Variants in EP400 observed in about 807,000 individuals in gnomAD.
EP400 encodes the protein E1A-binding protein p400.
A neutral mutation model predicts 354.1 loss-of-function variants in EP400; 105 were observed. The ratio of observed to expected loss-of-function variants is 0.30; its 90% confidence interval spans 0.25 to 0.35. EP400 has a LOEUF of 0.35. EP400 is among the 10% of genes least tolerant of loss of function. EP400 has a pLI of 1.00. For missense variants in EP400, 3,280 were observed against 4,121.0 expected (o/e 0.80, Z 5.59); for synonymous variants, 1,646 against 1,716.9 (o/e 0.96, Z 1.02).
intron 2 of EP400, among the ~76,000 whole-genome samples, chr12:131,965,784 T>C (rs1892054229): frequency 6.6e-6 from 1 of 152,264 alleles, no homozygotes; most frequent in Admixed American, 6.5e-5. Context: ...CTTTGTTTTA[T>C]TTACCATTAA....
At chr12:132,003,932 T>C (rs1160521084) in intron 12 of EP400, among the ~76,000 whole-genome samples, 2 of 152,264 alleles carry the variant, frequency 1.3e-5, no homozygotes, top group African/African-American at 4.8e-5. Flanking sequence ...ATTTGTTGTT[T>C]TGGCTCAACA....
rs1180167305 is a variant in EP400 at position 132,054,192 on chromosome 12, G to A, written c.7728+595G>A. ...AAATCATATGCGCAGAATCACACCT[G>A]CAGAGAATAGGAGCTGTGCCAAATT... On this transcript the variant is annotated intron_variant, in intron 43 of 52. Coordinates refer to ENST00000389561, the MANE Select transcript of EP400 (RefSeq NM_015409.5). The surrounding 1 kb of genome is among the most constrained non-coding windows in gnomAD (Gnocchi z 4.0). Among the ~76,000 whole-genome samples, 1 of 152,234 alleles carries A rather than the reference G, an allele frequency of 6.6e-6. No individual in the cohort carries two copies.
intron 2 of EP400, among the ~76,000 whole-genome samples, chr12:131,975,213 G>A (rs1892430589): frequency 6.6e-6 from 1 of 152,094 alleles, no homozygotes; most frequent in South Asian, 2.1e-4. Context: ...CAGTCAACAG[G>A]GCGCACAGTC....
intron 48 of EP400, chr12:132,065,815 G>A (rs1317022630): frequency 1.3e-5 from 2 of 152,274 alleles, no homozygotes; most frequent in African/African-American, 2.4e-5. Context: ...CACTGAGAAG[G>A]GTGGTAACAC....
At chr12:132,021,604 G>GCCGT (rs1047498869) in intron 23 of EP400, among the ~76,000 whole-genome samples, 1 of 152,190 alleles carries the variant, frequency 6.6e-6, no homozygotes, top group African/African-American at 2.4e-5. Flanking sequence ...TGGTGCTGTG[G>GCCGT]ACGGCACTTC....
intron 11 of EP400, among the ~76,000 whole-genome samples, chr12:131,993,963 C>T (rs373325932): frequency 2.0e-5 from 3 of 152,302 alleles, no homozygotes; most frequent in African/African-American, 7.2e-5. Context: ...ATTAACCACC[C>T]GAGGTCGTCT....
chr12:132,077,271 C>A, intron 52 of EP400, 130 bp from the exon 53 acceptor site: 2 of 1,176,268 alleles, frequency 1.7e-6, no homozygotes, highest in Admixed American at 2.5e-5. Flanking sequence ...TGTGACTGGT[C>A]ATTCTTCCGT....
At chr12:132,072,062 T>G (rs1017028730) in intron 51 of EP400, among the ~76,000 whole-genome samples, 1 of 152,216 alleles carries the variant, frequency 6.6e-6, no homozygotes, top group African/African-American at 2.4e-5. Flanking sequence ...GTTCAATTAC[T>G]GCTCTTGTGT....
Position 132,043,768 on chromosome 12 carries a change from A to G in EP400, c.6450+40A>G, listed in dbSNP as rs148913155. 3.2e-4 allele frequency: 497 copies of G among 1,536,990 alleles called. 1 individual carries two copies. The East Asian group carries it at 0.01, about 31-fold the overall frequency. On this transcript the variant is annotated intron_variant, in intron 34 of 52. Transcript: ENST00000389561. ...TTTTGGTCAGTGAAAAAAATTTGCA[A>G]TATTTTCAGAGTTAAGTTTGATTTG...
At chr12:131,968,191 A>G (rs1892167475) in intron 2 of EP400, among the ~76,000 whole-genome samples, 3 of 152,152 alleles carry the variant, frequency 2.0e-5, no homozygotes, top group Non-Finnish European at 4.4e-5. Context: ...GGTCAGAAAG[A>G]TGTTCTTCTG....
At chr12:132,076,089 GT>G (rs1896228329) in intron 51 of EP400, 1 of 223,960 alleles carries the variant, frequency 4.5e-6, no homozygotes, top group Non-Finnish European at 9.2e-6. Context: ...GCGTCACCGG[GT>G]TCCCCACTTC....
Position 132,018,214 on chromosome 12 carries a change from C to G in EP400, c.4115C>G (p.Ala1372Gly). ...TTTTTTTCTTTTTCTCTCTAGGAAG[C>G]AGATCTTTCTATGTTTGATCTCATC... The part of the protein sequence containing the change: ...KALERDFWKE[A>G]DLSMFDLIGL... The change falls in exon 21 of 53, where the codon GCA becomes GGA. Residue 1372 changes from alanine (A) to glycine (G), a missense_variant. By Grantham distance (60) the Ala-to-Gly change is moderately conservative. Around this residue, in one of 20 missense-constraint regions of EP400, gnomAD observed 342 missense variants for 342.7 expected, o/e 1.00. Coordinates refer to ENST00000389561, the MANE Select transcript of EP400 (RefSeq NM_015409.5). This position sits in a 1 kb window ranked among gnomAD's most constrained non-coding sequence, Gnocchi z 4.0. 6.2e-7 allele frequency: 1 copy of G among 1,609,844 alleles called. No homozygotes were observed. The highest frequency in any genetic ancestry group is 8.5e-7 in the Non-Finnish European group (1 of 1,179,036).
Position 132,043,465 on chromosome 12 carries a change from T to C in EP400, c.6366+3T>C. On this transcript the variant is annotated splice_donor_region_variant and intron_variant, in intron 33 of 52. Transcript: ENST00000389561. ...AGCTAGCTGACTTCATGGAGCAGGT[T>C]TGGGCATGTTTTCCTTTACAACTAC... The C allele has an allele frequency of 6.2e-7, 1 of 1,611,314 alleles. No individual in the cohort carries two copies.
At chr12:132,076,418 G>A (rs1279348658) in intron 51 of EP400, 98 bp from the exon 52 acceptor site, 3 of 1,223,434 alleles carry the variant, frequency 2.5e-6, no homozygotes, top group Non-Finnish European at 3.5e-6. Flanking sequence ...TGGTCATTGT[G>A]TTTTTTGCAT....
chr12:131,992,529 G>C (rs1893075054), intron 11 of EP400, among the ~76,000 whole-genome samples: 1 of 152,224 alleles, frequency 6.6e-6, no homozygotes, highest in Admixed American at 6.5e-5. Flanking sequence ...TTCTGTCCTT[G>C]AGAGGTGGCC....
chr12:132,021,261 G>A lies in EP400; in HGVS notation c.4630G>A (p.Gly1544Arg), dbSNP rs778752181. The change falls in exon 23 of 53, where the codon GGG becomes AGG. Residue 1544 changes from glycine to arginine, a missense_variant. Physicochemically the swap from Gly to Arg is moderately radical, Grantham distance 125 (BLOSUM62 -2). Coordinates refer to ENST00000389561, the MANE Select transcript of EP400 (RefSeq NM_015409.5). The part of the protein sequence containing the change: ...PQPQAPSHAA[G>R]QSALPQRLVL... The stretch of plus-strand genomic sequence containing the variant: ...GCCCCAGGCCCCCTCGCACGCGGCC[G>A]GGCAGAGCGCGCTGCCTCAGAGGCT... 13 of 1,537,166 alleles carry A rather than the reference G, an allele frequency of 8.5e-6. No individual in the cohort carries two copies. The highest frequency in any genetic ancestry group is 2.7e-5 in the African/African-American group (2 of 73,252).
chr12:131,956,170 A>G (rs1054697765), intron 1 of EP400, among the ~76,000 whole-genome samples: 2 of 152,146 alleles, frequency 1.3e-5, no homozygotes, highest in South Asian at 4.1e-4. Context: ...GTTACTTGGC[A>G]TCTTGCACCT....
At chr12:131,969,701 A>G (rs970537355) in intron 2 of EP400, among the ~76,000 whole-genome samples, 3 of 152,274 alleles carry the variant, frequency 2.0e-5, no homozygotes, top group Admixed American at 6.5e-5. Flanking sequence ...TCGGTGGGGA[A>G]TAGTAATTTG....
rs1222619528 is a variant in EP400 at position 132,021,326 on chromosome 12, G to C, written c.4690+5G>C. 1 of 1,513,296 alleles carries C rather than the reference G, an allele frequency of 6.6e-7. No homozygotes were observed. Among genetic ancestry groups the C allele is most frequent in the Admixed American group, 2.1e-5 (1 of 47,676 alleles). The allele number at this position is 1,513,296 out of a possible 1,614,324, so 93.7% of individuals were successfully genotyped here. On this transcript the variant is annotated splice_donor_5th_base_variant and intron_variant, in intron 23 of 52. Transcript: ENST00000389561. ...AGGCCCAGGCCCGCTTGCCCAGTAA[G>C]TGGCCTCACCTTTCCAGGTTTCTGC...
Sources: allele counts gnomAD v4.1 joint callset (sites outside exome capture counted in the v4.1 genomes callset), GRCh38; gene constraint gnomAD v4.1.1; regional missense constraint gnomAD v4.1.1; non-coding constraint Gnocchi (gnomAD v3.1); transcripts MANE v1.5; gene names NCBI Gene and HGNC (gene_info 2026-07-23, HGNC 2026-07-21).